The following CNTNAP4 variants were observed in gnomAD, a reference collection of about 807,000 sequenced individuals.
CNTNAP4 encodes the protein contactin-associated protein-like 4.
CNTNAP4 carries 98 observed loss-of-function variants against 148.4 expected under a neutral mutation model. The ratio of observed to expected loss-of-function variants is 0.66; its 90% CI spans 0.56 to 0.78. CNTNAP4 has a LOEUF of 0.78. CNTNAP4 is among the 30% of genes least tolerant of loss of function. CNTNAP4 has a pLI of 0.00. For synonymous variants in CNTNAP4, 730 were observed against 565.1 expected (o/e 1.29, Z -4.14); for missense variants, 1,935 against 1,565.6 (o/e 1.24, Z -3.98).
chr16:76,299,552 G>A (rs952592907), intron 1 of CNTNAP4, among the ~76,000 whole-genome samples: 4 of 152,150 alleles, frequency 2.6e-5, no homozygotes, highest in African/African-American at 9.7e-5. Flanking sequence ...TGGTGGGACT[G>A]TAAACTAGTT....
chr16:76,481,068 A>C (rs1269752217), intron 12 of CNTNAP4, among the ~76,000 whole-genome samples: 3 of 152,222 alleles, frequency 2.0e-5, no homozygotes, highest in Non-Finnish European at 4.4e-5. Flanking sequence ...AAAACAAAAT[A>C]GAGAATTTAT....
At chr16:76,366,880 A>G (rs575625114) in intron 3 of CNTNAP4, among the ~76,000 whole-genome samples, 2 of 152,188 alleles carry the variant, frequency 1.3e-5, no homozygotes, top group African/African-American at 4.8e-5. Flanking sequence ...GCAAGGATGT[A>G]TCTGCTTTTG....
chr16:76,419,568 C>T (rs369907662), intron 3 of CNTNAP4, among the ~76,000 whole-genome samples: 1 of 151,972 alleles, frequency 6.6e-6, no homozygotes, highest in Non-Finnish European at 1.5e-5. Flanking sequence ...TAGAAGTTTT[C>T]CTGTCAGTTT....
At chr16:76,293,422 G>A (rs149662806) in intron 1 of CNTNAP4, among the ~76,000 whole-genome samples, 40 of 152,214 alleles carry the variant, frequency 2.6e-4, no homozygotes, top group African/African-American at 8.2e-4. Flanking sequence ...CAATGTGATC[G>A]TAATTTTAAT....
chr16:76,415,208 A>G (rs1303642881), intron 3 of CNTNAP4, among the ~76,000 whole-genome samples: 2 of 151,210 alleles, frequency 1.3e-5, no homozygotes, highest in African/African-American at 2.4e-5. Flanking sequence ...ACTGAATGCT[A>G]TTTGATACAT....
chr16:76,451,768 C>T (rs2080491330), intron 7 of CNTNAP4, among the ~76,000 whole-genome samples: 1 of 151,610 alleles, frequency 6.6e-6, no homozygotes, highest in African/African-American at 2.4e-5. Context: ...TTAATGGGTA[C>T]AAAAATATGA....
At chr16:76,291,561 T>C (rs1959116785) in intron 1 of CNTNAP4, among the ~76,000 whole-genome samples, 1 of 152,170 alleles carries the variant, frequency 6.6e-6, no homozygotes, top group Non-Finnish European at 1.5e-5. Flanking sequence ...GTGCTGTGAT[T>C]TGCTCTGTGT....
intron 3 of CNTNAP4, among the ~76,000 whole-genome samples, chr16:76,397,148 A>G (rs1399896072): frequency 6.6e-6 from 1 of 151,982 alleles, no homozygotes; most frequent in East Asian, 2.0e-4. Context: ...CCTTTCACGG[A>G]CATAAGGGAA....
intron 5 of CNTNAP4, 86 bp downstream of exon 5, chr16:76,448,301 C>T (rs2080326000): frequency 1.1e-6 from 1 of 879,300 alleles, no homozygotes; most frequent in African/African-American, 1.7e-5. Flanking sequence ...TATCTTTTAG[C>T]AGTCAGAGTG....
chr16:76,535,915 T>G (rs1597095750), intron 18 of CNTNAP4, 131 bp downstream of exon 18: 2 of 954,078 alleles, frequency 2.1e-6, no homozygotes, highest in Non-Finnish European at 3.1e-6. Context: ...AAAGTATCTG[T>G]TGAATGTAAA....
chr16:76,300,576 T>C (rs1959853547), intron 1 of CNTNAP4, among the ~76,000 whole-genome samples: 2 of 152,150 alleles, frequency 1.3e-5, no homozygotes, highest in Admixed American at 6.6e-5. Context: ...AACAAAGATG[T>C]TGAATGGCAA....
chr16:76,324,842 G>A (rs1229220595), intron 2 of CNTNAP4, among the ~76,000 whole-genome samples: 1 of 152,090 alleles, frequency 6.6e-6, no homozygotes, highest in Admixed American at 6.5e-5. Flanking sequence ...CATATCATGA[G>A]TGGCCCACCC....
At chr16:76,408,379 AACAATTAACAGTTGTTAATCT>A (rs1408795086) in intron 3 of CNTNAP4, among the ~76,000 whole-genome samples, 6 of 147,220 alleles carry the variant, frequency 4.1e-5, no homozygotes, top group Non-Finnish European at 7.6e-5. Context: ...TTAATCTATT[AACAATTAACAGTTGTTAATCT>A]ATTAACAATT....
At chr16:76,431,357 C>G (rs1394226122) in intron 4 of CNTNAP4, among the ~76,000 whole-genome samples, 1 of 152,032 alleles carries the variant, frequency 6.6e-6, no homozygotes, top group Admixed American at 6.6e-5. Flanking sequence ...GATGGTAGAA[C>G]CCCAAGCTAG....
chr16:76,397,171 T>C (rs115170646), intron 3 of CNTNAP4, among the ~76,000 whole-genome samples: 3,026 of 152,002 alleles, frequency 0.02, 84 homozygotes, highest in African/African-American at 0.067. Flanking sequence ...CTTTATGTCG[T>C]AGGTGATACC....
At chr16:76,491,571 G>C (rs2082223095) in intron 13 of CNTNAP4, among the ~76,000 whole-genome samples, 1 of 152,118 alleles carries the variant, frequency 6.6e-6, no homozygotes, top group African/African-American at 2.4e-5. Flanking sequence ...AGTTTGTAAT[G>C]GGTTGTTCAT....
Position 76,506,180 on chromosome 16 carries a change from A to G in CNTNAP4, c.2365+7486A>G, listed in dbSNP as rs2082827922. 2.1e-5 allele frequency among the ~76,000 whole-genome samples: 2 copies of G among 96,910 alleles called. 1 individual carries two copies. The highest frequency in any genetic ancestry group is 5.9e-5 in the Non-Finnish European group (2 of 34,056). The allele number at this position is 96,910 out of a possible 152,430, so 63.6% of individuals were successfully genotyped here. A position where few individuals can be genotyped will look rare whatever the true frequency, so the allele number is the denominator to read the frequency against. ...TATTTCCTACGTAATCAGCCTGCCA[A>G]GAGCAGTGGGAACGTATTTATTTTT... is the stretch of plus-strand genomic sequence containing the variant. On this transcript the variant is annotated intron_variant, in intron 15 of 23. Transcript: ENST00000611870.
Position 76,448,886 on chromosome 16 carries a change from G to A in CNTNAP4, c.862G>A (p.Val288Met). The change falls in exon 6 of 24, where the codon GTG (valine) becomes ATG (methionine). Residue 288 changes from valine to methionine, a missense_variant. Val to Met is a conservative substitution (Grantham distance 21). Coordinates refer to ENST00000611870, the MANE Select transcript of CNTNAP4 (RefSeq NM_033401.5). ...QRLGKQVNFT[V>M]DEHRHHFHAR... ...TTTGGGCAAACAAGTCAACTTCACAGTGGACGAACACAGGCATCATTTCCA... is the reference window on the plus strand; with the variant it reads ...TTTGGGCAAACAAGTCAACTTCACAATGGACGAACACAGGCATCATTTCCA... 2 of 1,613,770 alleles carry A rather than the reference G, an allele frequency of 1.2e-6. No individual in the cohort carries two copies. The highest frequency in any genetic ancestry group is 2.2e-5 in the East Asian group (1 of 44,852).
At chr16:76,531,400 A>C (rs528361916) in intron 17 of CNTNAP4, among the ~76,000 whole-genome samples, 1 of 152,142 alleles carries the variant, frequency 6.6e-6, no homozygotes, top group South Asian at 2.1e-4. Context: ...ACCCAGAGAA[A>C]TTATTCAGAT....
Sources: gnomAD v4.1 joint callset for allele counts (sites outside exome capture counted in the v4.1 genomes callset) on GRCh38, gnomAD v4.1.1 for gene constraint, MANE v1.5 for transcripts, NCBI Gene and HGNC (gene_info 2026-07-23, HGNC 2026-07-21) for gene names.